NHSL1: variants seen among roughly 807,000 people sequenced by gnomAD.
The protein encoded by NHSL1 is NHS-like protein 1.
In NHSL1, 48 loss-of-function variants were observed where a neutral mutation model predicts 95.0. The ratio of observed to expected loss-of-function variants is 0.51; its 90% CI spans 0.40 to 0.64. NHSL1 has a LOEUF of 0.64. NHSL1 is among the 30% of genes least tolerant of loss of function. The pLI, the probability that NHSL1 is intolerant of heterozygous loss-of-function variation, is 0.00. For synonymous variants in NHSL1, 783 were observed against 833.9 expected, an observed-to-expected ratio of 0.94 and a Z score of 1.05; for missense variants, 1,971 against 2,077.7, an observed-to-expected ratio of 0.95 and a Z score of 1.00.
chr6:138,430,811 G>C lies in NHSL1; in HGVS notation c.3534C>G (p.Pro1178=), dbSNP rs1562257398. The change falls in exon 6 of 8, where the codon CCC becomes CCG. Residue 1178 remains proline (P), a synonymous_variant. Transcript: ENST00000343505. The surrounding 1 kb of genome is among the most constrained non-coding windows in gnomAD (Gnocchi z 4.7). ...AAGAGTCTGGGAGTGGGGTGGTGCT[G>C]GGGCTGGGCCGAGCCTCTGCCTCCC... is the stretch of plus-strand genomic sequence containing the variant. The part of the protein sequence containing the change: ...SAGEAEARPS[P]STTPLPDSSP... 6.4e-7 allele frequency: 1 copy of C among 1,551,134 alleles called. No individual in the cohort carries two copies. Among genetic ancestry groups the C allele is most frequent in the Non-Finnish European group, 8.7e-7 (1 of 1,146,890 alleles).
chr6:138,518,261 A>T (rs1455282823), intron 1 of NHSL1, among the ~76,000 whole-genome samples: 2 of 152,146 alleles, frequency 1.3e-5, no homozygotes, highest in Non-Finnish European at 2.9e-5. Flanking sequence ...CTCAAATTGT[A>T]TCAGTGGCCC....
At chr6:138,505,101 C>T (rs1405875273) in intron 1 of NHSL1, among the ~76,000 whole-genome samples, 1 of 93,654 alleles carries the variant, frequency 1.1e-5, no homozygotes, top group Non-Finnish European at 1.9e-5. Context: ...GCTTCTAGAA[C>T]TCAGACATAG....
At chr6:138,425,227 G>A (rs1357838716) in intron 7 of NHSL1, among the ~76,000 whole-genome samples, 1 of 152,128 alleles carries the variant, frequency 6.6e-6, no homozygotes, top group Non-Finnish European at 1.5e-5. Context: ...AAGTAGCTGG[G>A]ATTACAGGCA....
chr6:138,599,184 A>C (rs987784507), intron 1 of NHSL1, among the ~76,000 whole-genome samples: 1 of 152,238 alleles, frequency 6.6e-6, no homozygotes, highest in Non-Finnish European at 1.5e-5. Flanking sequence ...CAAATTCTAC[A>C]TAATTTAGTG....
chr6:138,507,178 T>A (rs1484045420), intron 1 of NHSL1, among the ~76,000 whole-genome samples: 1 of 152,138 alleles, frequency 6.6e-6, no homozygotes, highest in African/African-American at 2.4e-5. Context: ...CAGCAAACAC[T>A]AATGGTGGGC....
intron 3 of NHSL1, among the ~76,000 whole-genome samples, chr6:138,452,235 A>G (rs1777284054): frequency 6.6e-6 from 1 of 152,206 alleles, no homozygotes; most frequent in African/African-American, 2.4e-5. Context: ...CAACACTGAC[A>G]GTTACTTTGT....
chr6:138,525,126 T>C (rs1436186605), intron 1 of NHSL1, among the ~76,000 whole-genome samples: 1 of 152,106 alleles, frequency 6.6e-6, no homozygotes, highest in Non-Finnish European at 1.5e-5. Context: ...GGGCGTTGGA[T>C]TTTTTACCTC....
Position 138,649,715 on chromosome 6 carries a change from G to A in NHSL1, c.96+42761C>T, listed in dbSNP as rs751581455. Among the ~76,000 whole-genome samples, 18 of 152,298 alleles carry A rather than the reference G, an allele frequency of 1.2e-4. No homozygotes were observed. In the South Asian group the frequency reaches 1.9e-3, roughly 16 times the overall value. ...TAAAAAGAGTAGTGTTGAGAAAAAC[G>A]CAGGCAGAGCCTAGCATTTGCCTAC... On this transcript the variant is annotated intron_variant, in intron 1 of 3. Transcript: ENST00000491526.
intron 1 of NHSL1, among the ~76,000 whole-genome samples, chr6:138,666,590 CAAAAAAAAAA>C (rs10564684): frequency 4.5e-5 from 4 of 89,310 alleles, no homozygotes; most frequent in Non-Finnish European, 6.5e-5. Flanking sequence ...GCCTCCATCT[CAAAAAAAAAA>C]AAAAAAAAAA....
intron 1 of NHSL1, among the ~76,000 whole-genome samples, chr6:138,644,508 C>T (rs1784993109): frequency 6.6e-6 from 1 of 151,418 alleles, no homozygotes; most frequent in African/African-American, 2.4e-5. Context: ...ATCTCAACAA[C>T]AAAAAAAAGC....
chr6:138,675,166 T>C (rs1785432546), intron 1 of NHSL1, among the ~76,000 whole-genome samples: 1 of 152,172 alleles, frequency 6.6e-6, no homozygotes, highest in South Asian at 2.1e-4. Context: ...ACAATGGATC[T>C]GCAGGCTGCT....
chr6:138,524,898 A>T (rs1781835556), intron 1 of NHSL1, among the ~76,000 whole-genome samples: 1 of 152,230 alleles, frequency 6.6e-6, no homozygotes, highest in South Asian at 2.1e-4. Context: ...ATAAATTTAA[A>T]AGAATACTTA....
intron 1 of NHSL1, among the ~76,000 whole-genome samples, chr6:138,569,245 ATGTGTG>A (rs58789555): frequency 2.0e-5 from 3 of 147,404 alleles, no homozygotes; most frequent in South Asian, 2.2e-4. Flanking sequence ...TTGTGTGTAT[ATGTGTG>A]TGTGTGTGTG....
intron 1 of NHSL1, among the ~76,000 whole-genome samples, chr6:138,600,671 G>T (rs1054808254): frequency 6.6e-6 from 1 of 152,040 alleles, no homozygotes; most frequent in African/African-American, 2.4e-5. Context: ...TTTAAATTCA[G>T]AGCTATACTT....
chr6:138,496,573 G>A (rs939091025), intron 1 of NHSL1, among the ~76,000 whole-genome samples: 1 of 152,122 alleles, frequency 6.6e-6, no homozygotes, highest in Non-Finnish European at 1.5e-5. Flanking sequence ...AGCTGAAAGT[G>A]TCCACCCTCC....
rs113713188 is a variant in NHSL1 at position 138,545,523 on chromosome 6, A to AT, written c.16+99dup. ...ACTTACAAAACTCCCTCAAACTTTG[A>AT]TTTTTACTGGAATCAGCTCTGTGAT... is the stretch of plus-strand genomic sequence containing the variant. On this transcript the variant is annotated intron_variant, in intron 1 of 4. Coordinates refer to the NHSL1 transcript ENST00000342260. The AT allele has an allele frequency of 0.017, 15,787 of 919,142 alleles. 1,823 individuals carry two copies. The African/African-American group carries it at 0.24, about 14-fold the overall frequency. 56.9% of individuals were successfully genotyped at this position (919,142 alleles called of 1,614,324 possible). A position where few individuals can be genotyped will look rare whatever the true frequency, so the allele number is the denominator to read the frequency against.
At chr6:138,598,875 GAAATT>G (rs1245961620) in intron 1 of NHSL1, among the ~76,000 whole-genome samples, 2 of 152,080 alleles carry the variant, frequency 1.3e-5, no homozygotes, top group African/African-American at 2.4e-5. Context: ...TAATGAAAAT[GAAATT>G]AAAGTAAATG....
chr6:138,651,122 A>G (rs890526667), intron 1 of NHSL1: 6 of 337,134 alleles, frequency 1.8e-5, no homozygotes, highest in African/African-American at 1.1e-4. Context: ...AACTTAATGT[A>G]ATATCTAATA....
chr6:138,491,068 C>G (rs969846164), intron 2 of NHSL1, among the ~76,000 whole-genome samples: 3 of 152,188 alleles, frequency 2.0e-5, no homozygotes, highest in Non-Finnish European at 4.4e-5. Context: ...ATATAACCCT[C>G]TGACTTTGAA....
Sources: allele counts gnomAD v4.1 joint callset (sites outside exome capture counted in the v4.1 genomes callset), GRCh38; gene constraint gnomAD v4.1.1; non-coding constraint Gnocchi (gnomAD v3.1); transcripts MANE v1.5; gene names NCBI Gene and HGNC (gene_info 2026-07-23, HGNC 2026-07-21).